Variants in ANGPT1 observed in about 807,000 individuals in gnomAD.
ANGPT1 encodes angiopoietin 1.
ANGPT1 carries 17 observed loss-of-function variants against 62.2 expected under a neutral mutation model. That is an observed-to-expected ratio of 0.27 (90% CI 0.19 to 0.41). The LOEUF (loss-of-function observed/expected upper bound fraction) is 0.41, where lower values mean the gene tolerates loss of function less well. ANGPT1 is among the 10% of genes least tolerant of loss of function. The pLI, the probability that ANGPT1 is intolerant of heterozygous loss-of-function variation, is 1.00. For synonymous variants in ANGPT1, 199 were observed against 198.9 expected (o/e 1.00, Z 0.00); for missense variants, 478 against 594.9 (o/e 0.80, Z 2.04).
At chr8:107,491,151 T>TA (rs147620709) in intron 1 of ANGPT1, among the ~76,000 whole-genome samples, 43,661 of 149,540 alleles carry the variant, frequency 0.29, 7,261 homozygotes, top group Middle Eastern at 0.38. Context: ...CAGAAATGAT[T>TA]AAAAAAAAAA....
chr8:107,489,728 G>C (rs901596385), intron 1 of ANGPT1, among the ~76,000 whole-genome samples: 8 of 152,234 alleles, frequency 5.3e-5, no homozygotes, highest in Non-Finnish European at 1.0e-4. Context: ...TGATAAGAGA[G>C]GGGGCACATC....
chr8:107,414,519 G>A (rs781540259), intron 1 of ANGPT1, among the ~76,000 whole-genome samples: 1 of 152,096 alleles, frequency 6.6e-6, no homozygotes, highest in Non-Finnish European at 1.5e-5. Context: ...GTCTGTAAAA[G>A]GGATTGGAAA....
intron 5 of ANGPT1, among the ~76,000 whole-genome samples, chr8:107,295,992 C>G (rs753842684): frequency 6.6e-6 from 1 of 151,982 alleles, no homozygotes; most frequent in Non-Finnish European, 1.5e-5. Context: ...CAGTAACTTA[C>G]CAGTGATTAT....
chr8:107,478,638 T>C (rs953982925), intron 1 of ANGPT1, among the ~76,000 whole-genome samples: 3 of 152,130 alleles, frequency 2.0e-5, no homozygotes, highest in Non-Finnish European at 4.4e-5. Flanking sequence ...AAAGAGAAAA[T>C]GTTTAAAACT....
intron 1 of ANGPT1, among the ~76,000 whole-genome samples, chr8:107,420,240 A>G (rs1283709686): frequency 6.6e-6 from 1 of 152,192 alleles, no homozygotes; most frequent in Non-Finnish European, 1.5e-5. Flanking sequence ...TTCCAGTGCT[A>G]CTGCCAGTAT....
At chr8:107,474,464 C>A (rs1812457289) in intron 1 of ANGPT1, among the ~76,000 whole-genome samples, 1 of 152,040 alleles carries the variant, frequency 6.6e-6, no homozygotes, top group Non-Finnish European at 1.5e-5. Context: ...TATGACAAAC[C>A]CACAGCCAAT....
At chr8:107,451,851 T>G (rs1012066737) in intron 1 of ANGPT1, among the ~76,000 whole-genome samples, 2 of 152,008 alleles carry the variant, frequency 1.3e-5, no homozygotes, top group African/African-American at 2.4e-5. Flanking sequence ...ACCTTTTTAT[T>G]TGACTGCCAG....
intron 1 of ANGPT1, among the ~76,000 whole-genome samples, chr8:107,397,384 A>G (rs1489545510): frequency 1.3e-5 from 2 of 152,006 alleles, no homozygotes; most frequent in Non-Finnish European, 2.9e-5. Flanking sequence ...GACTCATACA[A>G]ATATTTCCCT....
chr8:107,460,720 C>A (rs1812048355), intron 1 of ANGPT1, among the ~76,000 whole-genome samples: 2 of 152,134 alleles, frequency 1.3e-5, no homozygotes, highest in Admixed American at 6.6e-5. Context: ...GCATTTAATT[C>A]AATTACAGGC....
At chr8:107,455,509 T>G (rs1384569635) in intron 1 of ANGPT1, among the ~76,000 whole-genome samples, 4 of 152,060 alleles carry the variant, frequency 2.6e-5, no homozygotes, top group Admixed American at 1.3e-4. Flanking sequence ...GGTGAATAAG[T>G]GGTTTAATCC....
intron 4 of ANGPT1, among the ~76,000 whole-genome samples, chr8:107,315,641 T>C (rs1405677725): frequency 6.6e-6 from 1 of 152,126 alleles, no homozygotes; most frequent in Non-Finnish European, 1.5e-5. Flanking sequence ...TCTTTCGGTC[T>C]CTTTTTTTTA....
At chr8:107,273,147 A>AT (rs1186062177) in intron 7 of ANGPT1, among the ~76,000 whole-genome samples, 2 of 152,178 alleles carry the variant, frequency 1.3e-5, no homozygotes, top group African/African-American at 4.8e-5. Flanking sequence ...TGTGATTGAA[A>AT]TTGGTGATTT....
At chr8:107,377,268 A>T (rs1196772072) in intron 1 of ANGPT1, among the ~76,000 whole-genome samples, 1 of 152,210 alleles carries the variant, frequency 6.6e-6, no homozygotes, top group Non-Finnish European at 1.5e-5. Flanking sequence ...TTCTAAAATA[A>T]CTATATAATA....
chr8:107,381,725 T>A (rs1477609890), intron 1 of ANGPT1, among the ~76,000 whole-genome samples: 1 of 152,178 alleles, frequency 6.6e-6, no homozygotes, highest in African/African-American at 2.4e-5. Context: ...ATTTTCCATG[T>A]CAGAAAGGAT....
At chr8:107,301,155 C>G (rs1814578409) in intron 5 of ANGPT1, among the ~76,000 whole-genome samples, 1 of 151,750 alleles carries the variant, frequency 6.6e-6, no homozygotes, top group Non-Finnish European at 1.5e-5. Context: ...ATGATGAAGT[C>G]AAAAAAATTC....
chr8:107,475,439 G>A lies in ANGPT1; in HGVS notation c.297+21823C>T, dbSNP rs947387805. 3.3e-5 allele frequency among the ~76,000 whole-genome samples: 5 copies of A among 152,132 alleles called. No homozygotes were observed. The East Asian group carries it at 9.6e-4, about 29-fold the overall frequency. ...ACACCTTATACAAAAATTAATTCAA[G>A]ATGGATTAAAGACTTAACCATTAGA... On this transcript the variant is annotated intron_variant, in intron 1 of 8. Transcript: ENST00000517746.
At chr8:107,290,264 G>A (rs1814242069) in intron 6 of ANGPT1, among the ~76,000 whole-genome samples, 1 of 151,624 alleles carries the variant, frequency 6.6e-6, no homozygotes, top group Non-Finnish European at 1.5e-5. Flanking sequence ...AGGGAAGGAA[G>A]GAGAGAGGAA....
chr8:107,444,309 A>G (rs543875884), intron 1 of ANGPT1, among the ~76,000 whole-genome samples: 1 of 152,214 alleles, frequency 6.6e-6, no homozygotes, highest in Non-Finnish European at 1.5e-5. Flanking sequence ...GAGCATCATT[A>G]TCTCTCCCAC....
chr8:107,316,429 T>C (rs1237121769), intron 4 of ANGPT1, among the ~76,000 whole-genome samples: 1 of 152,202 alleles, frequency 6.6e-6, no homozygotes, highest in African/African-American at 2.4e-5. Flanking sequence ...GAGTTGGTAA[T>C]AGAACCTATC....
Sources: allele counts gnomAD v4.1 joint callset (sites outside exome capture counted in the v4.1 genomes callset), GRCh38; gene constraint gnomAD v4.1.1; transcripts MANE v1.5; gene names NCBI Gene and HGNC (gene_info 2026-07-23, HGNC 2026-07-21).